CEP128: variants seen among roughly 807,000 people sequenced by gnomAD.
The protein encoded by CEP128 is centrosomal protein 128kDa.
CEP128 carries 132 observed loss-of-function variants against 156.7 expected under a neutral mutation model. The observed-to-expected ratio is 0.84, with a 90% confidence interval of 0.73 to 0.97. The LOEUF is 0.97. CEP128 is among the 50% of genes least tolerant of loss of function. The pLI is 0.00. For synonymous variants in CEP128, 469 were observed against 448.9 expected (o/e 1.04, Z -0.57); for missense variants, 1,252 against 1,281.9 (o/e 0.98, Z 0.36).
At chr14:80,906,895 T>A (rs1711647639) in intron 4 of CEP128, among the ~76,000 whole-genome samples, 2 of 152,202 alleles carry the variant, frequency 1.3e-5, no homozygotes, top group South Asian at 4.1e-4. Flanking sequence ...GATATCTTAT[T>A]CAAGGATGAA....
chr14:80,929,102 C>G (rs1365144926), intron 2 of CEP128, among the ~76,000 whole-genome samples: 1 of 151,520 alleles, frequency 6.6e-6, no homozygotes, highest in African/African-American at 2.4e-5. Flanking sequence ...ATACAAATGG[C>G]CAACAAACAT....
At chr14:80,847,910 T>C (rs983516977) in intron 9 of CEP128, among the ~76,000 whole-genome samples, 1 of 152,158 alleles carries the variant, frequency 6.6e-6, no homozygotes, top group South Asian at 2.1e-4. Context: ...ATTGGCCAAA[T>C]GAATATTTTA....
At chr14:80,731,268 A>G (rs1011037205) in intron 19 of CEP128, among the ~76,000 whole-genome samples, 1 of 152,198 alleles carries the variant, frequency 6.6e-6, no homozygotes, top group Non-Finnish European at 1.5e-5. Context: ...CGAGTTTCAC[A>G]AAGTCTGCTC....
intron 23 of CEP128, among the ~76,000 whole-genome samples, chr14:80,511,732 ATAAAC>A (rs1392605472): frequency 6.6e-6 from 1 of 151,974 alleles, no homozygotes; most frequent in East Asian, 1.9e-4. Flanking sequence ...ATTTATTGCT[ATAAAC>A]TTTCCTCTTC....
intron 8 of CEP128, among the ~76,000 whole-genome samples, chr14:80,870,460 T>C (rs1887971551): frequency 6.6e-5 from 10 of 152,048 alleles, no homozygotes; most frequent in Admixed American, 5.9e-4. Flanking sequence ...AAGTGTAACA[T>C]ACCATATTAA....
intron 19 of CEP128, among the ~76,000 whole-genome samples, chr14:80,731,495 G>A (rs1478762655): frequency 6.6e-6 from 1 of 152,212 alleles, no homozygotes; most frequent in Non-Finnish European, 1.5e-5. Flanking sequence ...GAAGTAAGTA[G>A]TTGAACATTA....
intron 14 of CEP128, among the ~76,000 whole-genome samples, chr14:80,485,087 T>A (rs1349339887): frequency 2.0e-5 from 3 of 152,134 alleles, no homozygotes; most frequent in African/African-American, 4.8e-5. Flanking sequence ...AACTGCATTG[T>A]TCTCACATGA....
chr14:80,488,478 G>A (rs1887220554), downstream of CEP128, among the ~76,000 whole-genome samples: 1 of 150,366 alleles, frequency 6.7e-6, no homozygotes, highest in African/African-American at 2.4e-5. Flanking sequence ...AAAAAGTCAG[G>A]AAACAACAGG....
chr14:80,487,409 T>A (rs570079815), downstream of CEP128, among the ~76,000 whole-genome samples: 5 of 152,242 alleles, frequency 3.3e-5, no homozygotes, highest in African/African-American at 1.2e-4. Flanking sequence ...AGACTTAGAC[T>A]CCCACACAAT....
intron 19 of CEP128, among the ~76,000 whole-genome samples, chr14:80,703,232 T>A (rs1897132479): frequency 6.6e-6 from 1 of 152,054 alleles, no homozygotes; most frequent in African/African-American, 2.4e-5. Flanking sequence ...TAAGAACAAA[T>A]AAGTTATAAA....
rs562309834 is a variant in CEP128, at chr14:80,637,596, A to G, written c.2807-57173T>C. Among the ~76,000 whole-genome samples, 33 of 152,318 alleles carry G rather than the reference A, an allele frequency of 2.2e-4. 1 individual carries two copies. The highest frequency in any genetic ancestry group is 2.1e-4 in the South Asian group (1 of 4,824). On this transcript the variant is annotated intron_variant, in intron 19 of 24. Transcript: ENST00000555265. Reference sequence around the variant, plus strand: ...TCCGGATAAGAACTCTTACATTTTTATCAGATAAATCACTGTATTACTTAA... The same window carrying G: ...TCCGGATAAGAACTCTTACATTTTTGTCAGATAAATCACTGTATTACTTAA...
intron 16 of CEP128, among the ~76,000 whole-genome samples, chr14:80,774,221 T>C (rs183183762): frequency 1.4e-4 from 21 of 152,272 alleles, no homozygotes; most frequent in Admixed American, 3.9e-4. Context: ...TTTCTTAGCT[T>C]ACCAGGTAAT....
chr14:80,877,792 A>C (rs1261679766), intron 8 of CEP128, among the ~76,000 whole-genome samples: 9 of 152,142 alleles, frequency 5.9e-5, no homozygotes, highest in Non-Finnish European at 1.2e-4. Flanking sequence ...ACCAAGCTGA[A>C]GGGATGCCCC....
At chr14:80,634,779 G>C (rs918394249) in intron 19 of CEP128, among the ~76,000 whole-genome samples, 1 of 151,988 alleles carries the variant, frequency 6.6e-6, no homozygotes, top group Non-Finnish European at 1.5e-5. Context: ...CTTACCTCCC[G>C]ATGCCTGAAT....
At chr14:80,800,064 C>CTT (rs1401351009) in intron 13 of CEP128, among the ~76,000 whole-genome samples, 2 of 152,120 alleles carry the variant, frequency 1.3e-5, no homozygotes, top group African/African-American at 4.8e-5. Flanking sequence ...ACCCCCTCCC[C>CTT]TTTTGAAACC....
rs1886607452 is a variant in CEP128 at position 80,846,461 on chromosome 14, A to AAC, written c.763-5694_763-5693insGT. Among the ~76,000 whole-genome samples the AAC allele has an allele frequency of 5.3e-5, 8 of 151,690 alleles. No homozygotes were observed. The South Asian group carries it at 1.7e-3, about 32-fold the overall frequency. On this transcript the variant is annotated intron_variant, in intron 9 of 24. Coordinates refer to ENST00000555265, the MANE Select transcript of CEP128 (RefSeq NM_152446.5). ...GAAAGAAGAGATAAAAGAAGAACAA[A>AAC]AGTCATATGGGCACTAGCTCACGGT...
intron 13 of CEP128, among the ~76,000 whole-genome samples, chr14:80,820,290 G>C (rs1042757770): frequency 6.6e-6 from 1 of 152,154 alleles, no homozygotes; most frequent in Admixed American, 6.5e-5. Flanking sequence ...TGATATGCCA[G>C]TTAGTTTGAT....
chr14:80,633,492 C>T (rs894818870), intron 19 of CEP128, among the ~76,000 whole-genome samples: 1 of 86,466 alleles, frequency 1.2e-5, no homozygotes. Context: ...GTGTCTTCTG[C>T]CACCTCTGTC....
At chr14:80,776,925 T>G (rs1900824094) in intron 16 of CEP128, among the ~76,000 whole-genome samples, 1 of 152,168 alleles carries the variant, frequency 6.6e-6, no homozygotes, top group African/African-American at 2.4e-5. Flanking sequence ...CTAAAAATAT[T>G]TATTATTCTA....
Sources: gnomAD v4.1 joint callset for allele counts (sites outside exome capture counted in the v4.1 genomes callset) on GRCh38, gnomAD v4.1.1 for gene constraint, MANE v1.5 for transcripts, NCBI Gene and HGNC (gene_info 2026-07-23, HGNC 2026-07-21) for gene names.